CCDC187: variants seen among roughly 807,000 people sequenced by gnomAD.
The protein encoded by CCDC187 is coiled-coil domain containing 187.
A neutral mutation model predicts 38.0 loss-of-function variants in CCDC187; 32 were observed. That is an observed-to-expected ratio of 0.84 (90% CI 0.64 to 1.13). CCDC187 has a LOEUF of 1.13. Among genes scored for constraint, CCDC187 ranks in the 50% most tolerant of loss-of-function variants. CCDC187 has a pLI of 0.00. For synonymous variants in CCDC187, 333 were observed against 347.9 expected (o/e 0.96, Z 0.48); for missense variants, 707 against 786.8 (o/e 0.90, Z 1.21).
rs1391299393 is a variant in CCDC187 at position 136,257,785 on chromosome 9, G to A, written c.4367-944C>T. ...AGTGGGAACACCTGCCCTCTTGTCC[G>A]TGGCTCCGGGTGACCCCAGCGACCA... On this transcript the variant is annotated intron_variant, in intron 22 of 25. Coordinates refer to ENST00000638797, the MANE Select transcript of CCDC187 (RefSeq NM_001378188.1). The surrounding 1 kb of genome is among the most constrained non-coding windows in gnomAD (Gnocchi z 4.5). Among the ~76,000 whole-genome samples the A allele has an allele frequency of 2.0e-5, 3 of 152,254 alleles. No homozygotes were observed. The highest frequency in any genetic ancestry group is 2.4e-5 in the African/African-American group (1 of 41,466).
At position 136,253,879 on chromosome 9, in the gene CCDC187, G is replaced by A. The variant is rs557712770; in HGVS notation, c.5949C>T (p.Val1983=). 50 of 984,858 alleles carry A rather than the reference G, an allele frequency of 5.1e-5. No individual in the cohort carries two copies. The Middle Eastern group carries it at 3.1e-3, about 62-fold the overall frequency. The allele number at this position is 984,858 out of a possible 1,614,324, so 61.0% of individuals were successfully genotyped here. A position where few individuals can be genotyped will look rare whatever the true frequency, so the allele number is the denominator to read the frequency against. Residue 1983 remains valine (V), a synonymous_variant, in exon 26 of 26, where the codon GTC becomes GTT. Transcript: ENST00000638797. The part of the protein sequence containing the change: ...EEACPLLAGD[V]LTEILSPVDE... Reference sequence around the variant, plus strand: ...CCACGGGAGACAGGATCTCAGTCAAGACGTCACCGGCAAGTAGGGGACAGG... The same window carrying A: ...CCACGGGAGACAGGATCTCAGTCAAAACGTCACCGGCAAGTAGGGGACAGG...
rs1426831154 is a variant in CCDC187, at chr9:136,300,270, G to C, written c.674C>G (p.Ser225Cys). 2 of 398,692 alleles carry C rather than the reference G, an allele frequency of 5.0e-6. No homozygotes were observed. Among genetic ancestry groups the C allele is most frequent in the Non-Finnish European group, 4.4e-6 (1 of 226,086 alleles). 24.7% of individuals were successfully genotyped at this position (398,692 alleles called of 1,614,324 possible). Reference sequence around the variant, plus strand: ...GGAGAGCTCGCGCCCCTGGCCGTGGGATGCCTTGGCTTCAACTCTGCGCTC... The same window carrying C: ...GGAGAGCTCGCGCCCCTGGCCGTGGCATGCCTTGGCTTCAACTCTGCGCTC... ...AAERRVEAKA[S>C]HGQGRELSRV... Residue 225 changes from serine (S) to cysteine (C), a missense_variant, in exon 3 of 26, where the codon TCC becomes TGC. Coordinates refer to ENST00000638797, the MANE Select transcript of CCDC187 (RefSeq NM_001378188.1).
Position 136,257,140 on chromosome 9 carries a change from C to T in CCDC187, c.4367-299G>A, listed in dbSNP as rs916526148. 3.2e-4 allele frequency among the ~76,000 whole-genome samples: 48 copies of T among 152,160 alleles called. No homozygotes were observed. The highest frequency in any genetic ancestry group is 2.6e-3 in the Admixed American group (40 of 15,290). On this transcript the variant is annotated intron_variant, in intron 22 of 25. Coordinates refer to ENST00000638797, the MANE Select transcript of CCDC187 (RefSeq NM_001378188.1). This position sits in a 1 kb window ranked among gnomAD's most constrained non-coding sequence, Gnocchi z 4.5. The stretch of plus-strand genomic sequence containing the variant: ...CTATAATCCCAGCACTCTGGGAGGC[C>T]GAGGCGGGCGGATCACAAGGTCAGG...
rs997563186 is a variant in CCDC187, at chr9:136,250,961, C to G, written c.*2633G>C. 3.7e-5 allele frequency: 17 copies of G among 455,398 alleles called. No homozygotes were observed. Among genetic ancestry groups the G allele is most frequent in the African/African-American group, 3.2e-4 (16 of 50,090 alleles). The allele number at this position is 455,398 out of a possible 1,614,324, so 28.2% of individuals were successfully genotyped here. A position where few individuals can be genotyped will look rare whatever the true frequency, so the allele number is the denominator to read the frequency against. On this transcript the variant is annotated 3_prime_UTR_variant, in exon 26 of 26. Transcript: ENST00000638797. The stretch of plus-strand genomic sequence containing the variant: ...TCACCAGAGCTATGGGGTAGAGGGC[C>G]TTGGCAGCTCCGTGTGTCCTGTGAC...
intron 3 of CCDC187, among the ~76,000 whole-genome samples, chr9:136,298,326 G>T (rs940136608): frequency 0.017 from 2,561 of 152,196 alleles, 60 homozygotes; most frequent in African/African-American, 0.057. Flanking sequence ...GGCCAGACCT[G>T]GGGGGGCCTT....
chr9:136,293,100 A>C (rs1027042155), intron 4 of CCDC187, among the ~76,000 whole-genome samples: 1 of 150,822 alleles, frequency 6.6e-6, no homozygotes, highest in African/African-American at 2.5e-5. Flanking sequence ...ACTCACAAAC[A>C]CTCACATTGC....
In CCDC187 at chr9:136,293,215, TCA is replaced by T. The variant is rs1194053182; in HGVS notation, c.833-922_833-921del. The stretch of plus-strand genomic sequence containing the variant: ...TGCTCACACACTCACAAACACATGC[TCA>T]CACACTCACACTCACACGCTCACAC... On this transcript the variant is annotated intron_variant, in intron 4 of 25. Coordinates refer to ENST00000638797, the MANE Select transcript of CCDC187 (RefSeq NM_001378188.1). Among the ~76,000 whole-genome samples the T allele has an allele frequency of 5.8e-4, 70 of 121,474 alleles. 2 individuals are homozygous for T. The highest frequency in any genetic ancestry group is 7.7e-4 in the Non-Finnish European group (45 of 58,334). 79.7% of individuals were successfully genotyped at this position (121,474 alleles called of 152,430 possible).
chr9:136,258,758 C>T lies in CCDC187; in HGVS notation c.4366+174G>A, dbSNP rs1015885363. On this transcript the variant is annotated intron_variant, in intron 22 of 25. Transcript: ENST00000638797. This position sits in a 1 kb window ranked among gnomAD's most constrained non-coding sequence, Gnocchi z 4.3. ...CACCTCCGGTAGGAGATGGAGCCGG[C>T]CACTCTTCTTGCAGTGAAGGGGTCT... 4 of 985,310 alleles carry T rather than the reference C, an allele frequency of 4.1e-6. No individual in the cohort carries two copies. Among genetic ancestry groups the T allele is most frequent in the Admixed American group, 6.1e-5 (1 of 16,268 alleles). The allele number at this position is 985,310 out of a possible 1,614,324, so 61.0% of individuals were successfully genotyped here.
In CCDC187 at chr9:136,253,656, A is replaced by C. The variant is rs1474991028; in HGVS notation, c.6172T>G (p.Ser2058Ala). 1.0e-6 allele frequency: 1 copy of C among 985,404 alleles called. No individual in the cohort carries two copies. Among genetic ancestry groups the C allele is most frequent in the African/African-American group, 1.7e-5 (1 of 57,228 alleles). The allele number at this position is 985,404 out of a possible 1,614,324, so 61.0% of individuals were successfully genotyped here. ...AGTCCCTCCGGCAGACTCTCCTCAGACAAGGAGGACAAATCCTGGGTGGTG... is the reference window on the plus strand; with the variant it reads ...AGTCCCTCCGGCAGACTCTCCTCAGCCAAGGAGGACAAATCCTGGGTGGTG... ...AITTQDLSSLSEESLPEGLFP... is the reference protein window; with the variant it reads ...AITTQDLSSLAEESLPEGLFP... Residue 2058 changes from serine to alanine, a missense_variant, in exon 26 of 26, where the codon TCT becomes GCT. By Grantham distance (99) the Ser-to-Ala change is moderately conservative. Transcript: ENST00000638797.
At chr9:136,268,998 CAGAG>C (rs1156300201) in intron 14 of CCDC187, among the ~76,000 whole-genome samples, 2 of 152,122 alleles carry the variant, frequency 1.3e-5, no homozygotes, top group African/African-American at 2.4e-5. Flanking sequence ...GGCAGAGTGT[CAGAG>C]AGGAGAGAGT....
At chr9:136,306,805 C>T (rs1831809770), upstream of CCDC187, 1 of 152,330 alleles carries the variant, frequency 6.6e-6, no homozygotes, top group African/African-American at 2.4e-5. Flanking sequence ...ACAGAACAGC[C>T]ACACACCTCC....
At chr9:136,284,730 G>C (rs1330369038) in intron 9 of CCDC187, among the ~76,000 whole-genome samples, 6 of 148,240 alleles carry the variant, frequency 4.0e-5, no homozygotes, top group African/African-American at 1.5e-4. Context: ...GGCAGGTGTG[G>C]AGGGGGTTTT....
intron 14 of CCDC187, among the ~76,000 whole-genome samples, chr9:136,274,220 G>A (rs191954097): frequency 2.6e-5 from 4 of 152,368 alleles, no homozygotes; most frequent in Admixed American, 2.6e-4. Context: ...CAGAGGAGCT[G>A]AGACCCTCTG....
At position 136,260,220 on chromosome 9, in the gene CCDC187, G is replaced by A; in HGVS notation, c.4109C>T (p.Ser1370Phe). ...QQDVTPPQTT[S>F]DADGHQQPPR... Reference sequence around the variant, plus strand: ...AGGCTGCTGGTGACCATCTGCATCGGAGGTTGTCTGGGGTGGCGTCACATC... The same window carrying A: ...AGGCTGCTGGTGACCATCTGCATCGAAGGTTGTCTGGGGTGGCGTCACATC... The change falls in exon 20 of 26, where the codon TCC (serine) becomes TTC (phenylalanine). Residue 1370 changes from serine to phenylalanine, a missense_variant. Ser to Phe is a radical substitution (Grantham distance 155). Transcript: ENST00000638797. The A allele has an allele frequency of 1.0e-6, 1 of 985,434 alleles. No individual in the cohort carries two copies. The highest frequency in any genetic ancestry group is 1.7e-5 in the African/African-American group (1 of 57,252). The allele number at this position is 985,434 out of a possible 1,614,324, so 61.0% of individuals were successfully genotyped here. A position where few individuals can be genotyped will look rare whatever the true frequency, so the allele number is the denominator to read the frequency against.
chr9:136,283,685 C>T (rs1249187242), intron 9 of CCDC187, among the ~76,000 whole-genome samples: 1 of 152,256 alleles, frequency 6.6e-6, no homozygotes, highest in Non-Finnish European at 1.5e-5. Flanking sequence ...CTCTGCCCCT[C>T]TGGCTGCACC....
upstream of CCDC187, among the ~76,000 whole-genome samples, chr9:136,306,069 G>A (rs1299889535): frequency 6.6e-6 from 1 of 152,230 alleles, no homozygotes; most frequent in Non-Finnish European, 1.5e-5. Context: ...GCTGGGGTAC[G>A]AGGCTCGGGG....
At chr9:136,289,015 C>T (rs1025146692) in intron 7 of CCDC187, among the ~76,000 whole-genome samples, 11 of 152,298 alleles carry the variant, frequency 7.2e-5, no homozygotes, top group Admixed American at 2.0e-4. Context: ...AGGTGGAGCC[C>T]GGGCATCCGT....
intron 17 of CCDC187, among the ~76,000 whole-genome samples, chr9:136,265,139 C>A (rs184880736): frequency 6.6e-6 from 1 of 152,194 alleles, no homozygotes; most frequent in African/African-American, 2.4e-5. Flanking sequence ...ACAGCGGCCG[C>A]GACCTGTGAG....
At chr9:136,268,655 C>T (rs1554761976) in intron 14 of CCDC187, among the ~76,000 whole-genome samples, 1 of 151,298 alleles carries the variant, frequency 6.6e-6, no homozygotes, top group East Asian at 1.9e-4. Flanking sequence ...TTGGCTTTGC[C>T]ATCCCATCTG....
Sources: allele counts gnomAD v4.1 joint callset (sites outside exome capture counted in the v4.1 genomes callset), GRCh38; gene constraint gnomAD v4.1.1; non-coding constraint Gnocchi (gnomAD v3.1); transcripts MANE v1.5; gene names NCBI Gene and HGNC (gene_info 2026-07-23, HGNC 2026-07-21).